PCSK5: variants seen among roughly 807,000 people sequenced by gnomAD.
The protein encoded by PCSK5 is prohormone convertase 5.
Under a neutral mutation model 233.2 loss-of-function variants are expected in PCSK5, and 129 were observed. The observed-to-expected ratio is 0.55, with a 90% CI of 0.48 to 0.64. PCSK5 has a LOEUF of 0.64. Among genes scored for constraint, PCSK5 ranks in the 30% least tolerant of loss-of-function variants. The pLI is 0.00. For synonymous variants in PCSK5, 825 were observed against 879.2 expected (o/e 0.94, Z 1.09); for missense variants, 2,076 against 2,430.1 (o/e 0.85, Z 3.06).
intron 1 of PCSK5, among the ~76,000 whole-genome samples, chr9:75,901,473 G>A (rs1432141538): frequency 6.6e-6 from 1 of 152,072 alleles, no homozygotes; most frequent in East Asian, 1.9e-4. Flanking sequence ...GCCTGTTGGG[G>A]GTGGCGGGAA....
intron 3 of PCSK5, among the ~76,000 whole-genome samples, chr9:76,018,132 C>A (rs760060377): frequency 2.0e-5 from 3 of 151,466 alleles, no homozygotes; most frequent in Non-Finnish European, 4.4e-5. Flanking sequence ...ATGACTTAAT[C>A]AGAAATGGAG....
intron 2 of PCSK5, among the ~76,000 whole-genome samples, chr9:75,943,167 G>A (rs1824401110): frequency 6.6e-6 from 1 of 152,122 alleles, no homozygotes; most frequent in South Asian, 2.1e-4. Context: ...TTACAAGCAT[G>A]AGCCACCATG....
intron 20 of PCSK5, among the ~76,000 whole-genome samples, chr9:76,207,569 A>T (rs1427311468): frequency 6.6e-6 from 1 of 152,220 alleles, no homozygotes; most frequent in Non-Finnish European, 1.5e-5. Flanking sequence ...AAGGGTATAT[A>T]AGGATATAAT....
intron 2 of PCSK5, among the ~76,000 whole-genome samples, chr9:75,936,612 C>T (rs937551005): frequency 1.3e-5 from 2 of 152,212 alleles, no homozygotes; most frequent in Admixed American, 6.5e-5. Flanking sequence ...CTTCAGGCTC[C>T]ACTTCTAATT....
chr9:76,190,700 A>T (rs1213440767), intron 20 of PCSK5, among the ~76,000 whole-genome samples: 1 of 152,214 alleles, frequency 6.6e-6, no homozygotes, highest in Non-Finnish European at 1.5e-5. Flanking sequence ...TGAGGCTAGG[A>T]AGTAATATTT....
At chr9:76,318,012 G>A (rs1027383) in intron 30 of PCSK5, among the ~76,000 whole-genome samples, 1 of 152,020 alleles carries the variant, frequency 6.6e-6, no homozygotes, top group Admixed American at 6.6e-5. Context: ...ACTCACTAAT[G>A]GATCATGATA....
At chr9:76,090,580 C>T (rs1439683616) in intron 7 of PCSK5, among the ~76,000 whole-genome samples, 7 of 152,140 alleles carry the variant, frequency 4.6e-5, no homozygotes, top group African/African-American at 1.7e-4. Flanking sequence ...AATCCAATGA[C>T]GGGCAGGCCA....
chr9:75,908,415 C>A (rs1477643453), intron 1 of PCSK5, among the ~76,000 whole-genome samples: 1 of 152,210 alleles, frequency 6.6e-6, no homozygotes, highest in African/African-American at 2.4e-5. Flanking sequence ...GATGGGCCTA[C>A]TGTAGGTAAG....
At chr9:76,196,376 G>T (rs1168083027) in intron 20 of PCSK5, among the ~76,000 whole-genome samples, 1 of 152,216 alleles carries the variant, frequency 6.6e-6, no homozygotes, top group African/African-American at 2.4e-5. Flanking sequence ...GCATTGGCTG[G>T]ATGTCTAGAA....
intron 2 of PCSK5, among the ~76,000 whole-genome samples, chr9:75,981,579 A>C (rs1009675595): frequency 1.3e-5 from 2 of 152,086 alleles, no homozygotes; most frequent in Non-Finnish European, 2.9e-5. Context: ...TAGCAACAGG[A>C]TCTCACTCCC....
intron 5 of PCSK5, among the ~76,000 whole-genome samples, chr9:76,044,977 T>G (rs568133027): frequency 1.3e-5 from 2 of 152,288 alleles, no homozygotes; most frequent in South Asian, 4.1e-4. Context: ...CCTCCAAATC[T>G]TCTCGCAAAA....
chr9:75,936,175 A>G (rs112458861), intron 2 of PCSK5, among the ~76,000 whole-genome samples: 6 of 152,356 alleles, frequency 3.9e-5, no homozygotes, highest in African/African-American at 1.4e-4. Context: ...TCAGTGAGCC[A>G]TAATCTTTCT....
chr9:75,929,731 C>T (rs185205123), intron 1 of PCSK5, among the ~76,000 whole-genome samples: 1 of 152,288 alleles, frequency 6.6e-6, no homozygotes, highest in Admixed American at 6.5e-5. Flanking sequence ...AATGGACTTA[C>T]AGTTCCACGT....
intron 24 of PCSK5, among the ~76,000 whole-genome samples, chr9:76,263,664 A>G (rs1162933478): frequency 6.6e-6 from 1 of 152,034 alleles, no homozygotes; most frequent in African/African-American, 2.4e-5. Flanking sequence ...GCATTAGGAC[A>G]TATACCTAAT....
rs59867858 is a variant in PCSK5 at position 76,311,580 on chromosome 9, C to T, written c.3884+729C>T. Reference sequence around the variant, plus strand: ...TTGCTTTACTCTTCCTACCAATAGTCCCACCTCCAGAATTTACCTAGGAAG... The same window carrying T: ...TTGCTTTACTCTTCCTACCAATAGTTCCACCTCCAGAATTTACCTAGGAAG... On this transcript the variant is annotated intron_variant, in intron 30 of 37. Coordinates refer to ENST00000674117, the MANE Select transcript of PCSK5 (RefSeq NM_001372043.1). Among the ~76,000 whole-genome samples the T allele has an allele frequency of 7.9e-3, 1,203 of 152,172 alleles. 12 individuals are homozygous for T. Among genetic ancestry groups the T allele is most frequent in the African/African-American group, 0.028 (1,155 of 41,506 alleles).
chr9:76,189,088 T>G lies in PCSK5; in HGVS notation c.2381-6T>G. On this transcript the variant is annotated splice_polypyrimidine_tract_variant and splice_region_variant and intron_variant, in intron 18 of 37. Transcript: ENST00000674117. ...TCTCGTTTCCTGTGTTTGTCTTGCTTTTAAGGGGCAGGAGCTGATGGGTGC... is the reference window on the plus strand; with the variant it reads ...TCTCGTTTCCTGTGTTTGTCTTGCTGTTAAGGGGCAGGAGCTGATGGGTGC... 6.2e-7 allele frequency: 1 copy of G among 1,611,254 alleles called. No homozygotes were observed. Among genetic ancestry groups the G allele is most frequent in the South Asian group, 1.1e-5 (1 of 90,130 alleles).
intron 20 of PCSK5, among the ~76,000 whole-genome samples, chr9:76,198,686 A>C (rs1034193516): frequency 6.6e-6 from 1 of 152,170 alleles, no homozygotes; most frequent in African/African-American, 2.4e-5. Context: ...CTCATTCCAA[A>C]AGAGTTGCTT....
At chr9:76,254,862 G>A (rs990282713) in intron 24 of PCSK5, among the ~76,000 whole-genome samples, 7 of 152,190 alleles carry the variant, frequency 4.6e-5, no homozygotes, top group African/African-American at 1.4e-4. Flanking sequence ...ATGCAAATGC[G>A]ATAGGCCAGA....
chr9:76,331,450 A>G (rs1829532204), intron 33 of PCSK5, among the ~76,000 whole-genome samples: 1 of 151,926 alleles, frequency 6.6e-6, no homozygotes, highest in Non-Finnish European at 1.5e-5. Flanking sequence ...GGCGGATCAC[A>G]AGGTCAGGAG....
Sources: allele counts gnomAD v4.1 joint callset (sites outside exome capture counted in the v4.1 genomes callset), GRCh38; gene constraint gnomAD v4.1.1; transcripts MANE v1.5; gene names NCBI Gene and HGNC (gene_info 2026-07-23, HGNC 2026-07-21).